SEMA6D: variants seen among roughly 807,000 people sequenced by gnomAD.
SEMA6D encodes the protein semaphorin-6D.
A neutral mutation model predicts 106.6 loss-of-function variants in SEMA6D; 35 were observed. The observed-to-expected ratio is 0.33, with a 90% CI of 0.25 to 0.44. SEMA6D has a LOEUF of 0.44. Ranked by LOEUF, SEMA6D falls within the 20% of genes least tolerant of loss-of-function variation. SEMA6D has a pLI of 1.00. For missense variants in SEMA6D, 1,185 were observed against 1,345.9 expected, an observed-to-expected ratio of 0.88 and a Z score of 1.87; for synonymous variants, 499 against 487.7, an observed-to-expected ratio of 1.02 and a Z score of -0.31.
chr15:47,224,096 A>G (rs1460231118), intron 1 of SEMA6D, among the ~76,000 whole-genome samples: 2 of 152,178 alleles, frequency 1.3e-5, no homozygotes, highest in East Asian at 3.9e-4. Flanking sequence ...AGCATGGCAC[A>G]TGTATACATA....
At chr15:47,595,777 AT>A (rs942466954) in intron 3 of SEMA6D, among the ~76,000 whole-genome samples, 1 of 151,528 alleles carries the variant, frequency 6.6e-6, no homozygotes, top group African/African-American at 2.4e-5. Flanking sequence ...TTAGATTTTA[AT>A]TTTTTTTCTT....
chr15:47,552,817 A>AATAT lies in SEMA6D; in HGVS notation c.-86-48041_-86-48038dup, dbSNP rs1456894382. 3.4e-3 allele frequency among the ~76,000 whole-genome samples: 46 copies of AATAT among 13,498 alleles called. 4 individuals are homozygous for AATAT. Among genetic ancestry groups the AATAT allele is most frequent in the African/African-American group, 6.6e-3 (42 of 6,398 alleles). 8.9% of individuals were successfully genotyped at this position (13,498 alleles called of 152,430 possible). A position where few individuals can be genotyped will look rare whatever the true frequency, so the allele number is the denominator to read the frequency against. On this transcript the variant is annotated intron_variant, in intron 3 of 19. Transcript: ENST00000558014. ...TTATATATATATAAAAATATATATA[A>AATAT]ATATATATATTTTTATATATATATA...
intron 1 of SEMA6D, among the ~76,000 whole-genome samples, chr15:47,383,645 GC>G (rs2039720376): frequency 4.3e-5 from 4 of 93,204 alleles, no homozygotes; most frequent in Non-Finnish European, 7.1e-5. Context: ...AACTCATAAG[GC>G]ATAAGGACCC....
chr15:47,407,400 C>CAAAAAAAAAAAAAA (rs1272439298), intron 1 of SEMA6D, among the ~76,000 whole-genome samples: 1 of 85,226 alleles, frequency 1.2e-5, no homozygotes, highest in East Asian at 3.5e-4. Flanking sequence ...AAAACAACAA[C>CAAAAAAAAAAAAAA]AACAACAACA....
chr15:47,297,572 G>A (rs2035854590), intron 1 of SEMA6D, among the ~76,000 whole-genome samples: 1 of 152,142 alleles, frequency 6.6e-6, no homozygotes, highest in Non-Finnish European at 1.5e-5. Context: ...CTTAATTCAT[G>A]TTTACTCAAT....
chr15:47,674,077 C>A (rs1167156963), intron 4 of SEMA6D, among the ~76,000 whole-genome samples: 3 of 152,134 alleles, frequency 2.0e-5, no homozygotes, highest in Non-Finnish European at 4.4e-5. Flanking sequence ...CATGGGACAG[C>A]CGTGTCTCAA....
intron 3 of SEMA6D, among the ~76,000 whole-genome samples, chr15:47,545,891 C>T (rs780352913): frequency 3.9e-5 from 6 of 152,054 alleles, no homozygotes; most frequent in Non-Finnish European, 8.8e-5. Flanking sequence ...TTTCCTCCCC[C>T]AGTGTGGCAA....
chr15:47,214,228 G>T (rs1204661952), intron 1 of SEMA6D, among the ~76,000 whole-genome samples: 3 of 152,150 alleles, frequency 2.0e-5, no homozygotes, highest in Non-Finnish European at 4.4e-5. Flanking sequence ...CTGTTTAAGT[G>T]TAAAAAGTAC....
chr15:47,363,884 C>T (rs901416012), intron 1 of SEMA6D, among the ~76,000 whole-genome samples: 5 of 152,108 alleles, frequency 3.3e-5, no homozygotes, highest in African/African-American at 4.8e-5. Context: ...GAAGCAGGCA[C>T]CTTCTTTACA....
At chr15:47,368,782 G>A (rs1315351561) in intron 1 of SEMA6D, among the ~76,000 whole-genome samples, 1 of 152,154 alleles carries the variant, frequency 6.6e-6, no homozygotes, top group Admixed American at 6.5e-5. Context: ...AGCAAGAATT[G>A]GAGAGTCATC....
intron 4 of SEMA6D, among the ~76,000 whole-genome samples, chr15:47,700,377 A>G (rs1478345976): frequency 6.6e-6 from 1 of 152,088 alleles, no homozygotes; most frequent in Non-Finnish European, 1.5e-5. Context: ...TATTTTTTAA[A>G]AAACAAAAAT....
chr15:47,603,871 T>C (rs768742715), intron 4 of SEMA6D: 6 of 152,228 alleles, frequency 3.9e-5, no homozygotes, highest in Non-Finnish European at 7.3e-5. Flanking sequence ...GCTGGCACTA[T>C]GTTGCTTATT....
At chr15:47,642,440 GCA>G (rs139789990) in intron 4 of SEMA6D, among the ~76,000 whole-genome samples, 1 of 150,994 alleles carries the variant, frequency 6.6e-6, no homozygotes, top group East Asian at 1.9e-4. Context: ...AGAAACAGAT[GCA>G]CACACACACA....
At chr15:47,452,320 CA>C (rs145049200) in intron 2 of SEMA6D, among the ~76,000 whole-genome samples, 1,546 of 114,666 alleles carry the variant, frequency 0.013, 11 homozygotes, top group African/African-American at 0.042. Context: ...GTTTATCAAC[CA>C]AAAAAAAAAA....
chr15:47,278,393 T>G (rs2142427887), intron 1 of SEMA6D, among the ~76,000 whole-genome samples: 1 of 152,368 alleles, frequency 6.6e-6, no homozygotes, highest in Middle Eastern at 3.4e-3. Context: ...ATGTGTTTTT[T>G]GGCTGCATAA....
intron 1 of SEMA6D, among the ~76,000 whole-genome samples, chr15:47,352,549 T>C (rs1413644097): frequency 1.3e-5 from 2 of 152,196 alleles, no homozygotes; most frequent in Non-Finnish European, 2.9e-5. Flanking sequence ...GGTAGACCCA[T>C]GAGGAGCTGA....
intron 1 of SEMA6D, among the ~76,000 whole-genome samples, chr15:47,758,744 C>T (rs1415993451): frequency 6.6e-6 from 1 of 152,042 alleles, no homozygotes; most frequent in Non-Finnish European, 1.5e-5. Context: ...TTTTGTAATG[C>T]TCTATATTTG....
chr15:47,212,194 T>C (rs1488366462), intron 1 of SEMA6D, among the ~76,000 whole-genome samples: 1 of 152,196 alleles, frequency 6.6e-6, no homozygotes, highest in Non-Finnish European at 1.5e-5. Flanking sequence ...AGGAAAAATT[T>C]AGGACATATG....
intron 2 of SEMA6D, among the ~76,000 whole-genome samples, chr15:47,454,322 AT>A (rs1373891113): frequency 6.6e-6 from 1 of 151,922 alleles, no homozygotes; most frequent in Non-Finnish European, 1.5e-5. Flanking sequence ...TTCCAAGGCA[AT>A]TTTACAACTT....
Sources: allele counts gnomAD v4.1 joint callset (sites outside exome capture counted in the v4.1 genomes callset), GRCh38; gene constraint gnomAD v4.1.1; transcripts MANE v1.5; gene names NCBI Gene and HGNC (gene_info 2026-07-23, HGNC 2026-07-21).